The following PTPRN2 variants were observed in gnomAD, a reference collection of about 807,000 sequenced individuals.
The protein encoded by PTPRN2 is protein tyrosine phosphatase receptor type N2.
PTPRN2 carries 74 observed loss-of-function variants against 118.8 expected under a neutral mutation model. That is an observed-to-expected ratio of 0.62 (90% CI 0.52 to 0.76). PTPRN2 has a LOEUF of 0.76. Among genes scored for constraint, PTPRN2 ranks in the 30% least tolerant of loss-of-function variants. The pLI is 0.00. For missense variants in PTPRN2, 1,481 were observed against 1,394.4 expected (o/e 1.06, Z -0.99); for synonymous variants, 641 against 608.0 (o/e 1.05, Z -0.80).
chr7:158,380,877 C>T (rs1810918417), intron 2 of PTPRN2, among the ~76,000 whole-genome samples: 1 of 152,276 alleles, frequency 6.6e-6, no homozygotes, highest in Non-Finnish European at 1.5e-5. Flanking sequence ...CTTCTGTGCA[C>T]CTGCAGGCTC....
chr7:158,149,675 A>C (rs1820734671), intron 6 of PTPRN2, among the ~76,000 whole-genome samples: 1 of 152,040 alleles, frequency 6.6e-6, no homozygotes, highest in Non-Finnish European at 1.5e-5. Flanking sequence ...GTGGTGGCGC[A>C]TGCCTGTAGT....
chr7:157,950,792 A>G (rs1425003598), intron 11 of PTPRN2, among the ~76,000 whole-genome samples: 3 of 152,170 alleles, frequency 2.0e-5, no homozygotes, highest in Non-Finnish European at 2.9e-5. Flanking sequence ...GATGTTGGCA[A>G]ACGGCTCTTT....
chr7:158,344,970 G>C (rs567955076), intron 2 of PTPRN2, among the ~76,000 whole-genome samples: 1 of 152,224 alleles, frequency 6.6e-6, no homozygotes, highest in Non-Finnish European at 1.5e-5. Flanking sequence ...GCAGAAGACA[G>C]CTTGGACCCA....
At chr7:158,422,607 CAT>C (rs1815345496) in intron 2 of PTPRN2, among the ~76,000 whole-genome samples, 1 of 152,260 alleles carries the variant, frequency 6.6e-6, no homozygotes, top group Non-Finnish European at 1.5e-5. Flanking sequence ...CACGGGATGT[CAT>C]ACCTGGGCTG....
At chr7:157,682,086 G>A (rs1002192090) in intron 13 of PTPRN2, among the ~76,000 whole-genome samples, 2 of 152,202 alleles carry the variant, frequency 1.3e-5, no homozygotes, top group African/African-American at 4.8e-5. Flanking sequence ...CGAAATGTGC[G>A]CCATAGAACT....
At chr7:158,387,476 C>T (rs977890348) in intron 2 of PTPRN2, among the ~76,000 whole-genome samples, 30 of 698 alleles carry the variant, frequency 0.043, no homozygotes, top group Admixed American at 0.11. Context: ...TAGCCAAGGG[C>T]GCATTTACAA....
At chr7:158,156,072 G>A (rs1821793412) in intron 6 of PTPRN2, among the ~76,000 whole-genome samples, 2 of 152,154 alleles carry the variant, frequency 1.3e-5, no homozygotes, top group African/African-American at 4.8e-5. Flanking sequence ...CCAATATGAG[G>A]GGGTAAGGAA....
intron 3 of PTPRN2, among the ~76,000 whole-genome samples, chr7:158,210,228 C>T (rs1014639686): frequency 6.6e-5 from 10 of 150,642 alleles, no homozygotes; most frequent in South Asian, 2.1e-4. Flanking sequence ...CTCCGCCTCC[C>T]GGGTTCACGC....
At chr7:158,076,405 G>A (rs544989297) in intron 11 of PTPRN2, among the ~76,000 whole-genome samples, 174 of 152,346 alleles carry the variant, frequency 1.1e-3, no homozygotes, top group African/African-American at 3.8e-3. Flanking sequence ...TGGGGAGCTG[G>A]TGCATGGGAG....
chr7:158,016,978 C>A (rs1486394697), intron 11 of PTPRN2, among the ~76,000 whole-genome samples: 1 of 152,122 alleles, frequency 6.6e-6, no homozygotes, highest in Non-Finnish European at 1.5e-5. Context: ...CACATCCTTG[C>A]AGGAAAGGAA....
chr7:157,767,767 C>T (rs1802571830), intron 12 of PTPRN2, among the ~76,000 whole-genome samples: 1 of 151,970 alleles, frequency 6.6e-6, no homozygotes, highest in Non-Finnish European at 1.5e-5. Context: ...ACCAGTGGTC[C>T]TGGCAAGGCC....
intron 6 of PTPRN2, among the ~76,000 whole-genome samples, chr7:158,143,109 T>C (rs962881977): frequency 6.6e-6 from 1 of 152,100 alleles, no homozygotes; most frequent in African/African-American, 2.4e-5. Flanking sequence ...GCGATTATCA[T>C]CGCGACAGTC....
At chr7:158,304,032 G>A (rs1266456160) in intron 3 of PTPRN2, among the ~76,000 whole-genome samples, 1 of 152,200 alleles carries the variant, frequency 6.6e-6, no homozygotes. Context: ...ACACTAAGAT[G>A]TGCACAGGCT....
intron 12 of PTPRN2, among the ~76,000 whole-genome samples, chr7:157,715,169 C>A (rs1214032327): frequency 6.6e-6 from 1 of 152,184 alleles, no homozygotes; most frequent in Non-Finnish European, 1.5e-5. Context: ...GAGAAAAGCA[C>A]CCCCTGCAGG....
At chr7:158,139,844 AG>A (rs1285900545) in intron 6 of PTPRN2, among the ~76,000 whole-genome samples, 39 of 152,334 alleles carry the variant, frequency 2.6e-4, no homozygotes, top group African/African-American at 9.1e-4. Flanking sequence ...CCACATTTGA[AG>A]GGTTGAAAGA....
At chr7:158,494,123 G>C (rs1166509167) in intron 1 of PTPRN2, among the ~76,000 whole-genome samples, 1 of 152,250 alleles carries the variant, frequency 6.6e-6, no homozygotes, top group Non-Finnish European at 1.5e-5. Context: ...TGTTTATGGA[G>C]AGTTTGTTGT....
intron 2 of PTPRN2, among the ~76,000 whole-genome samples, chr7:158,407,822 G>A (rs1250114016): frequency 6.6e-5 from 10 of 152,360 alleles, no homozygotes; most frequent in Admixed American, 3.3e-4. Context: ...AACCATCGCC[G>A]TGCTCAGTGG....
intron 12 of PTPRN2, among the ~76,000 whole-genome samples, chr7:157,752,318 C>G (rs1327939376): frequency 1.3e-5 from 2 of 152,226 alleles, no homozygotes; most frequent in African/African-American, 4.8e-5. Context: ...GACTTTGCAT[C>G]CCAGGGAAGG....
intron 12 of PTPRN2, among the ~76,000 whole-genome samples, chr7:157,771,076 G>A (rs1051819573): frequency 6.6e-6 from 1 of 152,212 alleles, no homozygotes; most frequent in East Asian, 1.9e-4. Flanking sequence ...TGGGAAACTC[G>A]CTGCCATTCT....
Sources: gnomAD v4.1 joint callset for allele counts (sites outside exome capture counted in the v4.1 genomes callset) on GRCh38, gnomAD v4.1.1 for gene constraint, MANE v1.5 for transcripts, NCBI Gene and HGNC (gene_info 2026-07-23, HGNC 2026-07-21) for gene names.